NAV2: variants seen among roughly 807,000 people sequenced by gnomAD.
The protein encoded by NAV2 is neuron navigator 2, also known as helicase, APC down-regulated 1.
A neutral mutation model predicts 223.2 loss-of-function variants in NAV2; 54 were observed. That is an observed-to-expected ratio of 0.24 (90% CI 0.19 to 0.30). The LOEUF (loss-of-function observed/expected upper bound fraction) is 0.30. NAV2 is among the 10% of genes least tolerant of loss of function. NAV2 has a pLI of 1.00. For missense variants in NAV2, 2,806 were observed against 3,147.5 expected (o/e 0.89, Z 2.60); for synonymous variants, 1,279 against 1,239.3 (o/e 1.03, Z -0.67).
intron 1 of NAV2, among the ~76,000 whole-genome samples, chr11:19,645,332 C>G (rs917043110): frequency 6.6e-6 from 1 of 152,218 alleles, no homozygotes; most frequent in Non-Finnish European, 1.5e-5. Flanking sequence ...ACTGGGATTA[C>G]ACTGGGTGCA....
intron 1 of NAV2, among the ~76,000 whole-genome samples, chr11:19,422,960 T>G (rs1387817520): frequency 6.6e-6 from 1 of 152,220 alleles, no homozygotes; most frequent in Non-Finnish European, 1.5e-5. Flanking sequence ...TTGTTGTAAA[T>G]CTAAAAGAGT....
intron 1 of NAV2, among the ~76,000 whole-genome samples, chr11:19,439,044 T>G (rs2133677207): frequency 6.6e-6 from 1 of 152,268 alleles, no homozygotes; most frequent in South Asian, 2.1e-4. Context: ...GCATGGTTGG[T>G]TCCTCTGGCA....
Position 19,747,557 on chromosome 11 carries a change from G to A in NAV2, c.267+33595G>A, listed in dbSNP as rs143078494. Among the ~76,000 whole-genome samples the A allele has an allele frequency of 1.6e-3, 243 of 152,242 alleles. 1 individual carries two copies. The highest frequency in any genetic ancestry group is 1.6e-3 in the Non-Finnish European group (110 of 68,016). The stretch of plus-strand genomic sequence containing the variant: ...CAGAAAGGGCTGAATGAAGCATATC[G>A]CCAAGCAACCAGGAGTGGAAGGGAT... On this transcript the variant is annotated intron_variant, in intron 1 of 37. Transcript: ENST00000349880.
At position 19,600,832 on chromosome 11, in the gene NAV2, A is replaced by G. The variant is rs190677633; in HGVS notation, c.76-231652A>G. On this transcript the variant is annotated intron_variant, in intron 1 of 37. Transcript: ENST00000360655. ...CAGATGAAGAAATTGAAGCTCAAGG[A>G]GGTTCTTAGCTGAAGGTTTTATAGC... Among the ~76,000 whole-genome samples, 74 of 152,354 alleles carry G rather than the reference A, an allele frequency of 4.9e-4. 1 individual carries two copies. The highest frequency in any genetic ancestry group is 6.8e-3 in the Middle Eastern group (2 of 294).
At chr11:19,427,538 A>T (rs1436098337) in intron 1 of NAV2, among the ~76,000 whole-genome samples, 1 of 152,230 alleles carries the variant, frequency 6.6e-6, no homozygotes, top group African/African-American at 2.4e-5. Context: ...TCCCAAGGGA[A>T]TCCAGCCTTT....
chr11:19,906,140 T>A lies in NAV2; in HGVS notation c.931+13546T>A, dbSNP rs561706911. ...CATTGACTGCATGCTGGCTGGTCTGTAATGGCCTCAGGTGAGACAACTCAG... is the reference window on the plus strand; with the variant it reads ...CATTGACTGCATGCTGGCTGGTCTGAAATGGCCTCAGGTGAGACAACTCAG... On this transcript the variant is annotated intron_variant, in intron 6 of 37. Transcript: ENST00000349880. 2.2e-4 allele frequency among the ~76,000 whole-genome samples: 33 copies of A among 152,316 alleles called. 1 individual carries two copies. The South Asian group carries it at 6.6e-3, about 31-fold the overall frequency.
intron 1 of NAV2, among the ~76,000 whole-genome samples, chr11:19,501,074 G>A (rs903944538): frequency 6.6e-6 from 1 of 152,074 alleles, no homozygotes; most frequent in Non-Finnish European, 1.5e-5. Flanking sequence ...CTTTGTTCAT[G>A]GCTCCTCCTT....
At chr11:19,747,842 C>T (rs989609913) in intron 1 of NAV2, among the ~76,000 whole-genome samples, 2 of 152,194 alleles carry the variant, frequency 1.3e-5, no homozygotes, top group African/African-American at 4.8e-5. Flanking sequence ...GTCATTTTCT[C>T]TCCTGACAGT....
chr11:19,781,044 A>T (rs1424052564), intron 1 of NAV2, among the ~76,000 whole-genome samples: 1 of 152,224 alleles, frequency 6.6e-6, no homozygotes, highest in Non-Finnish European at 1.5e-5. Flanking sequence ...TTTGAGCTTT[A>T]TGTGTATGAT....
intron 1 of NAV2, among the ~76,000 whole-genome samples, chr11:19,655,011 C>A (rs539560826): frequency 8.5e-5 from 13 of 152,248 alleles, no homozygotes; most frequent in Admixed American, 2.6e-4. Context: ...GGGCTAATAT[C>A]CAGAATCTAC....
intron 1 of NAV2, among the ~76,000 whole-genome samples, chr11:19,646,879 A>C (rs764750365): frequency 1.1e-4 from 17 of 152,214 alleles, no homozygotes; most frequent in Non-Finnish European, 1.9e-4. Flanking sequence ...ACTTGAACTC[A>C]GATATGACTT....
At chr11:19,837,699 G>A (rs1360170980) in intron 2 of NAV2, among the ~76,000 whole-genome samples, 1 of 152,054 alleles carries the variant, frequency 6.6e-6, no homozygotes, top group East Asian at 1.9e-4. Flanking sequence ...GGGCTACATT[G>A]TTCAAAAATG....
chr11:19,990,105 C>T (rs1282863004), intron 11 of NAV2, among the ~76,000 whole-genome samples: 2 of 152,206 alleles, frequency 1.3e-5, no homozygotes, highest in Non-Finnish European at 2.9e-5. Context: ...ATGGACCGTG[C>T]GAGTGGGCTT....
intron 2 of NAV2, among the ~76,000 whole-genome samples, chr11:19,835,541 G>C (rs1181920913): frequency 7.9e-5 from 12 of 152,118 alleles, no homozygotes; most frequent in African/African-American, 2.9e-4. Flanking sequence ...TGAGAGGGGG[G>C]AGAAGCATCT....
intron 1 of NAV2, chr11:19,777,318 C>A: frequency 4.6e-6 from 1 of 216,130 alleles, no homozygotes; most frequent in Non-Finnish European, 8.9e-6. Context: ...CGACCGCGGG[C>A]GCCGGGGATG....
At chr11:19,836,186 A>G (rs2060219017) in intron 2 of NAV2, among the ~76,000 whole-genome samples, 1 of 152,176 alleles carries the variant, frequency 6.6e-6, no homozygotes, top group South Asian at 2.1e-4. Flanking sequence ...ACATTCCTCT[A>G]AATTGTATGT....
intron 1 of NAV2, among the ~76,000 whole-genome samples, chr11:19,670,404 T>C (rs2048545697): frequency 6.6e-6 from 1 of 152,232 alleles, no homozygotes; most frequent in African/African-American, 2.4e-5. Context: ...GGACTCCCGC[T>C]GAGTTTACAA....
chr11:19,972,700 C>T (rs1433378066), intron 10 of NAV2, among the ~76,000 whole-genome samples: 1 of 152,178 alleles, frequency 6.6e-6, no homozygotes, highest in Admixed American at 6.5e-5. Context: ...TCTAAGGAGC[C>T]TTTTCTGGCC....
Position 19,640,632 on chromosome 11 carries a change from A to G in NAV2, c.76-191852A>G, listed in dbSNP as rs1016673796. Among the ~76,000 whole-genome samples, 3 of 152,176 alleles carry G rather than the reference A, an allele frequency of 2.0e-5. No individual in the cohort carries two copies. In the East Asian group the frequency reaches 5.8e-4, roughly 29 times the overall value. The stretch of plus-strand genomic sequence containing the variant: ...TCTTCTATGCCTGAGAGAACATTTT[A>G]GGAAAAGAGATGTGGTTCTAGGAGG... On this transcript the variant is annotated intron_variant, in intron 1 of 37. Transcript: ENST00000360655.
Sources: gnomAD v4.1 joint callset for allele counts (sites outside exome capture counted in the v4.1 genomes callset) on GRCh38, gnomAD v4.1.1 for gene constraint, MANE v1.5 for transcripts, NCBI Gene and HGNC (gene_info 2026-07-23, HGNC 2026-07-21) for gene names.